The following TMCC1 variants were observed in gnomAD, a reference collection of about 807,000 sequenced individuals.
The protein encoded by TMCC1 is transmembrane and coiled-coil domain family 1.
TMCC1 carries 15 observed loss-of-function variants against 52.4 expected under a neutral mutation model. The ratio of observed to expected loss-of-function variants is 0.29; its 90% CI spans 0.19 to 0.44. The LOEUF (loss-of-function observed/expected upper bound fraction) is 0.44. TMCC1 is among the 20% of genes least tolerant of loss of function. TMCC1 has a pLI of 1.00. For missense variants in TMCC1, 503 were observed against 806.0 expected, an observed-to-expected ratio of 0.62 and a Z score of 4.55; for synonymous variants, 279 against 301.9, an observed-to-expected ratio of 0.92 and a Z score of 0.79.
intron 4 of TMCC1, among the ~76,000 whole-genome samples, chr3:129,727,709 T>A (rs752471628): frequency 6.6e-6 from 1 of 152,164 alleles, no homozygotes; most frequent in Non-Finnish European, 1.5e-5. Flanking sequence ...GCCCTCACTA[T>A]CTGCAACTGA....
At chr3:129,761,718 C>T (rs2053610840) in intron 4 of TMCC1, among the ~76,000 whole-genome samples, 1 of 152,072 alleles carries the variant, frequency 6.6e-6, no homozygotes, top group Admixed American at 6.6e-5. Flanking sequence ...GAGCTGGATG[C>T]AGTGGCTCAC....
chr3:129,798,524 C>CAAAAAAAAA (rs796919072), intron 4 of TMCC1, among the ~76,000 whole-genome samples: 2 of 67,882 alleles, frequency 2.9e-5, no homozygotes, highest in African/African-American at 9.1e-5. Context: ...TCTTCCTATC[C>CAAAAAAAAA]AAAAAAAAAA....
At chr3:129,698,082 C>T (rs940575714) in intron 4 of TMCC1, among the ~76,000 whole-genome samples, 13 of 152,252 alleles carry the variant, frequency 8.5e-5, no homozygotes, top group African/African-American at 2.2e-4. Context: ...AATAGCAGTA[C>T]CCCACTCTAC....
At chr3:129,802,313 A>T (rs2107775798) in intron 4 of TMCC1, among the ~76,000 whole-genome samples, 1 of 152,348 alleles carries the variant, frequency 6.6e-6, no homozygotes, top group East Asian at 1.9e-4. Context: ...TACACATTGT[A>T]CAAAAAGAAA....
At chr3:129,675,219 A>T (rs2088311186) in intron 4 of TMCC1, among the ~76,000 whole-genome samples, 1 of 152,258 alleles carries the variant, frequency 6.6e-6, no homozygotes, top group Non-Finnish European at 1.5e-5. Context: ...CAAAGGCAGC[A>T]CTGCAAAATA....
At chr3:129,882,978 G>C (rs1226292716) in intron 1 of TMCC1, among the ~76,000 whole-genome samples, 1 of 152,162 alleles carries the variant, frequency 6.6e-6, no homozygotes, top group Non-Finnish European at 1.5e-5. Flanking sequence ...TAACATTACT[G>C]AACACCACAC....
chr3:129,816,236 T>C (rs890165827), intron 4 of TMCC1, among the ~76,000 whole-genome samples: 3 of 152,174 alleles, frequency 2.0e-5, no homozygotes, highest in African/African-American at 7.2e-5. Flanking sequence ...ACTGGGTATA[T>C]AGCCAAAAGA....
intron 4 of TMCC1, among the ~76,000 whole-genome samples, chr3:129,783,805 T>C (rs1295185987): frequency 6.6e-6 from 1 of 152,240 alleles, no homozygotes; most frequent in African/African-American, 2.4e-5. Flanking sequence ...AGAACTCCTC[T>C]ACCTTGAAAT....
chr3:129,702,447 C>T (rs545809881), intron 4 of TMCC1, among the ~76,000 whole-genome samples: 10 of 151,970 alleles, frequency 6.6e-5, no homozygotes, highest in Non-Finnish European at 1.5e-4. Flanking sequence ...TTAAAATTTC[C>T]CCAAGCATCA....
chr3:129,745,005 T>C (rs2051799282), intron 4 of TMCC1, among the ~76,000 whole-genome samples: 1 of 152,214 alleles, frequency 6.6e-6, no homozygotes. Context: ...TTCTCCATTA[T>C]CACACAATAA....
intron 4 of TMCC1, among the ~76,000 whole-genome samples, chr3:129,727,458 A>T (rs1268202022): frequency 6.6e-6 from 1 of 152,186 alleles, no homozygotes; most frequent in East Asian, 1.9e-4. Context: ...CATTTTTATA[A>T]ATATGAATTT....
intron 4 of TMCC1, among the ~76,000 whole-genome samples, chr3:129,755,247 T>C (rs983804282): frequency 2.6e-5 from 4 of 152,178 alleles, no homozygotes; most frequent in Admixed American, 2.6e-4. Context: ...TTGGGTACTA[T>C]GCTCATTACC....
At chr3:129,853,372 T>G (rs2060001188) in intron 2 of TMCC1, among the ~76,000 whole-genome samples, 4 of 152,194 alleles carry the variant, frequency 2.6e-5, no homozygotes, top group Admixed American at 1.3e-4. Context: ...TACCTGTAAT[T>G]CCAGCCCTTT....
intron 4 of TMCC1, among the ~76,000 whole-genome samples, chr3:129,815,631 A>G (rs934126665): frequency 6.6e-6 from 1 of 152,228 alleles, no homozygotes; most frequent in Non-Finnish European, 1.5e-5. Flanking sequence ...TAAGACTGGA[A>G]ACTATGAAAC....
intron 4 of TMCC1, 171 bp downstream of exon 4, chr3:129,827,632 T>C: frequency 1.4e-6 from 1 of 694,608 alleles, no homozygotes; most frequent in Non-Finnish European, 2.4e-6. Flanking sequence ...ATTCTAAGCA[T>C]TCATTCATTA....
rs1405969611 is a variant in TMCC1, at chr3:129,650,677, A to G, written c.*804T>C. ...ATCCTATTAGAAACCATAAGGAAGC[A>G]CTGAGAGTTTGAGTATTACATTCTT... is the stretch of plus-strand genomic sequence containing the variant. On this transcript the variant is annotated 3_prime_UTR_variant, in exon 7 of 7. Transcript: ENST00000393238. The G allele has an allele frequency of 6.6e-6, 1 of 152,644 alleles. No homozygotes were observed. The highest frequency in any genetic ancestry group is 1.9e-4 in the East Asian group (1 of 5,200). The allele number at this position is 152,644 out of a possible 1,614,324, so 9.5% of individuals were successfully genotyped here. A position where few individuals can be genotyped will look rare whatever the true frequency, so the allele number is the denominator to read the frequency against.
chr3:129,708,064 G>A (rs996871762), intron 4 of TMCC1, among the ~76,000 whole-genome samples: 1 of 152,098 alleles, frequency 6.6e-6, no homozygotes, highest in African/African-American at 2.4e-5. Flanking sequence ...GCTTTGTCTT[G>A]CACGTTGAGA....
intron 4 of TMCC1, among the ~76,000 whole-genome samples, chr3:129,685,832 A>G (rs2089362546): frequency 6.6e-6 from 1 of 152,222 alleles, no homozygotes; most frequent in Non-Finnish European, 1.5e-5. Context: ...AGATCTTCTT[A>G]CACTGTTCCA....
At chr3:129,858,324 C>G (rs141088373) in intron 2 of TMCC1, among the ~76,000 whole-genome samples, 2 of 152,252 alleles carry the variant, frequency 1.3e-5, no homozygotes, top group East Asian at 3.9e-4. Flanking sequence ...GAATCAGTCA[C>G]AGAATTACAG....
Sources: allele counts gnomAD v4.1 joint callset (sites outside exome capture counted in the v4.1 genomes callset), GRCh38; gene constraint gnomAD v4.1.1; transcripts MANE v1.5; gene names NCBI Gene and HGNC (gene_info 2026-07-23, HGNC 2026-07-21).